Variants in CCDC138 observed in about 807,000 individuals in gnomAD.
CCDC138 encodes the protein coiled-coil domain containing 138, also known as coiled-coil domain-containing protein 138.
CCDC138 carries 66 observed loss-of-function variants against 82.3 expected under a neutral mutation model. That is an observed-to-expected ratio of 0.80 (90% CI 0.66 to 0.98). The LOEUF (loss-of-function observed/expected upper bound fraction) is 0.98, where lower values mean the gene tolerates loss of function less well. Among genes scored for constraint, CCDC138 ranks in the 50% least tolerant of loss-of-function variants. CCDC138 has a pLI of 0.00. For synonymous variants in CCDC138, 297 were observed against 265.4 expected (o/e 1.12, Z -1.16); for missense variants, 816 against 758.9 (o/e 1.08, Z -0.88).
rs150904446 is a variant in CCDC138, at chr2:108,828,677, C to T, written c.1207-10508C>T. Among the ~76,000 whole-genome samples the T allele has an allele frequency of 1.9e-4, 29 of 152,220 alleles. No individual in the cohort carries two copies. The East Asian group carries it at 4.8e-3, about 25-fold the overall frequency. Reference sequence around the variant, plus strand: ...AAATGAGTATGAGCCTTACCTTATACGATATGTAAAATTTAACTCGGCTGG... The same window carrying T: ...AAATGAGTATGAGCCTTACCTTATATGATATGTAAAATTTAACTCGGCTGG... On this transcript the variant is annotated intron_variant, in intron 10 of 14. Coordinates refer to ENST00000295124, the MANE Select transcript of CCDC138 (RefSeq NM_144978.3).
At chr2:108,872,606 A>T (rs1695442832) in intron 13 of CCDC138, among the ~76,000 whole-genome samples, 1 of 152,142 alleles carries the variant, frequency 6.6e-6, no homozygotes, top group Admixed American at 6.5e-5. Context: ...CAGTATCAAG[A>T]TGCTGGCATC....
At chr2:108,811,624 T>C (rs2149816633) in intron 7 of CCDC138, among the ~76,000 whole-genome samples, 1 of 152,254 alleles carries the variant, frequency 6.6e-6, no homozygotes, top group South Asian at 2.1e-4. Flanking sequence ...TTAAGAAAAT[T>C]ATTTTAGATT....
chr2:108,861,018 A>AG (rs1693515133), intron 13 of CCDC138, among the ~76,000 whole-genome samples: 1 of 126,450 alleles, frequency 7.9e-6, no homozygotes, highest in South Asian at 2.5e-4. Flanking sequence ...TGGTCTGTTC[A>AG]GGGTTTCAAT....
chr2:108,853,871 A>G (rs1453729087), intron 12 of CCDC138, among the ~76,000 whole-genome samples: 7 of 125,140 alleles, frequency 5.6e-5, no homozygotes, highest in Non-Finnish European at 4.8e-5. Context: ...TAATATATAT[A>G]CTATATAATA....
chr2:108,798,453 T>C lies in CCDC138; in HGVS notation c.602T>C (p.Phe201Ser). Residue 201 changes from phenylalanine to serine, a missense_variant, in exon 6 of 15, where the codon TTT becomes TCT. Coordinates refer to ENST00000295124, the MANE Select transcript of CCDC138 (RefSeq NM_144978.3). ...TGTGAAACTGCAGCACAACAGAAAT[T>C]TGCTGAAGAACTTCAAAAGCGAGAA... Reference protein sequence around the residue: ...LQCETAAQQKFAEELQKRERF... With the variant: ...LQCETAAQQKSAEELQKRERF... The C allele has an allele frequency of 6.2e-7, 1 of 1,613,470 alleles. No homozygotes were observed. The highest frequency in any genetic ancestry group is 1.3e-5 in the African/African-American group (1 of 74,968).
At chr2:108,796,627 A>G (rs1479759410) in intron 5 of CCDC138, among the ~76,000 whole-genome samples, 1 of 152,242 alleles carries the variant, frequency 6.6e-6, no homozygotes, top group Non-Finnish European at 1.5e-5. Flanking sequence ...ACACAATGGA[A>G]TATTATTCAG....
At chr2:108,828,716 C>T (rs1005197717) in intron 10 of CCDC138, among the ~76,000 whole-genome samples, 2 of 152,176 alleles carry the variant, frequency 1.3e-5, no homozygotes, top group Non-Finnish European at 2.9e-5. Context: ...TGGTGGTTCA[C>T]ATTTGTAATT....
chr2:108,846,882 C>T lies in CCDC138; in HGVS notation c.1468C>T (p.Pro490Ser), dbSNP rs776158708. ...TGCTTTCTTTAAGAGCTCCAATTTG[C>T]CATTGAGATTTTTATCAACCTTAAT... ...TAAFFKSSNL[P>S]LRFLSTLIVL... is the part of the protein sequence containing the mutation. Residue 490 changes from proline to serine, a missense_variant, in exon 12 of 15, where the codon CCA becomes TCA. By Grantham distance (74) the Pro-to-Ser change is moderately conservative. Coordinates refer to ENST00000295124, the MANE Select transcript of CCDC138 (RefSeq NM_144978.3). The T allele has an allele frequency of 5.0e-6, 8 of 1,613,020 alleles. No homozygotes were observed. The Admixed American group carries it at 1.3e-4, about 27-fold the overall frequency.
At chr2:108,788,337 T>G (rs1409808232) in intron 2 of CCDC138, among the ~76,000 whole-genome samples, 1 of 147,264 alleles carries the variant, frequency 6.8e-6, no homozygotes, top group Admixed American at 6.7e-5. Flanking sequence ...GGAGAATCGG[T>G]TGAACCCGGG....
chr2:108,795,127 CG>C, intron 5 of CCDC138, among the ~76,000 whole-genome samples: 1 of 136,558 alleles, frequency 7.3e-6, no homozygotes, highest in Non-Finnish European at 1.6e-5. Flanking sequence ...ATCTGCCTTT[CG>C]GGTTTTTTGT....
intron 13 of CCDC138, among the ~76,000 whole-genome samples, chr2:108,861,952 C>T (rs1469183597): frequency 6.6e-6 from 1 of 151,960 alleles, no homozygotes; most frequent in African/African-American, 2.4e-5. Context: ...TTGTTGTTTA[C>T]CCAAAAGTCA....
chr2:108,819,612 A>C (rs1322636139), intron 10 of CCDC138, among the ~76,000 whole-genome samples: 1 of 152,254 alleles, frequency 6.6e-6, no homozygotes, highest in African/African-American at 2.4e-5. Context: ...AGAAACACAC[A>C]TAGAAGCCCA....
chr2:108,868,279 A>C (rs929666475), intron 13 of CCDC138, among the ~76,000 whole-genome samples: 4 of 152,198 alleles, frequency 2.6e-5, no homozygotes, highest in African/African-American at 9.7e-5. Flanking sequence ...CAGGGAGTCC[A>C]TGGTGCCCCT....
chr2:108,829,116 C>T (rs1687106750), intron 10 of CCDC138, among the ~76,000 whole-genome samples: 1 of 152,090 alleles, frequency 6.6e-6, no homozygotes, highest in East Asian at 1.9e-4. Context: ...ACATCAAAAG[C>T]ACAAGCAATA....
At chr2:108,875,375 G>A (rs1695884658) in intron 14 of CCDC138, among the ~76,000 whole-genome samples, 1 of 150,362 alleles carries the variant, frequency 6.7e-6, no homozygotes, top group Admixed American at 6.6e-5. Context: ...ATTACTGACA[G>A]GTTATTAGAA....
chr2:108,817,447 C>T (rs1558666195), intron 10 of CCDC138, among the ~76,000 whole-genome samples: 1 of 152,062 alleles, frequency 6.6e-6, no homozygotes, highest in African/African-American at 2.4e-5. Flanking sequence ...TGTGTGCCAC[C>T]ACGCCCAGCT....
At chr2:108,815,461 GTT>G (rs35206784) in intron 9 of CCDC138, among the ~76,000 whole-genome samples, 15 of 70,696 alleles carry the variant, frequency 2.1e-4, no homozygotes, top group African/African-American at 7.2e-4. Context: ...GGTTTTTGGT[GTT>G]TTTTTTTTTT....
At chr2:108,798,695 T>C in intron 6 of CCDC138, 109 bp downstream of exon 6, 3 of 705,636 alleles carry the variant, frequency 4.3e-6, no homozygotes, top group South Asian at 3.9e-5. Flanking sequence ...CCCTTCCTCC[T>C]CCTCTCCACG....
At chr2:108,864,330 G>T (rs567579740) in intron 13 of CCDC138, among the ~76,000 whole-genome samples, 9 of 152,162 alleles carry the variant, frequency 5.9e-5, no homozygotes, top group African/African-American at 2.2e-4. Context: ...TTAACTTAAG[G>T]AATTATTTTT....
Sources: gnomAD v4.1 joint callset for allele counts (sites outside exome capture counted in the v4.1 genomes callset) on GRCh38, gnomAD v4.1.1 for gene constraint, MANE v1.5 for transcripts, NCBI Gene and HGNC (gene_info 2026-07-23, HGNC 2026-07-21) for gene names.